KSR2: variants seen among roughly 807,000 people sequenced by gnomAD.
KSR2 encodes the protein kinase suppressor of ras 2.
KSR2 carries 25 observed loss-of-function variants against 107.8 expected under a neutral mutation model. The ratio of observed to expected loss-of-function variants is 0.23; its 90% CI spans 0.17 to 0.32. The LOEUF is 0.32. Ranked by LOEUF, KSR2 falls within the 10% of genes least tolerant of loss-of-function variation. The pLI is 1.00. For missense variants in KSR2, 887 were observed against 1,268.9 expected (o/e 0.70, Z 4.57); for synonymous variants, 480 against 507.0 (o/e 0.95, Z 0.71).
chr12:117,479,777 C>CT (rs1403484993), intron 16 of KSR2, among the ~76,000 whole-genome samples: 34 of 152,348 alleles, frequency 2.2e-4, no homozygotes, highest in Admixed American at 8.5e-4. Context: ...AACTAGCAAA[C>CT]ACTTGAGTCA....
At position 117,531,012 on chromosome 12, in the gene KSR2, A is replaced by G; in HGVS notation, c.1731T>C (p.Asp577=). Residue 577 remains aspartate, a splice_region_variant and synonymous_variant, in exon 12 of 20, where the codon GAT becomes GAC. Transcript: ENST00000339824. ...YKYKQQFIFP[D]VVPVPETPTR... ...TCGGCGTCTCCGGCACCGGCACCAC[A>G]TCTGAAAACCAGAGATTGAACACTC... is the stretch of plus-strand genomic sequence containing the variant. 3.7e-6 allele frequency: 6 copies of G among 1,613,498 alleles called. No individual in the cohort carries two copies. The highest frequency in any genetic ancestry group is 5.1e-6 in the Non-Finnish European group (6 of 1,179,630).
chr12:117,557,027 T>C (rs1877749035), intron 8 of KSR2, among the ~76,000 whole-genome samples: 1 of 151,946 alleles, frequency 6.6e-6, no homozygotes, highest in Non-Finnish European at 1.5e-5. Flanking sequence ...CAGCTGGGTA[T>C]GGTGGTGGGT....
At chr12:117,732,323 C>T (rs1173417718) in intron 4 of KSR2, among the ~76,000 whole-genome samples, 1 of 151,480 alleles carries the variant, frequency 6.6e-6, no homozygotes, top group African/African-American at 2.4e-5. Context: ...GCATCTTGCT[C>T]TGTCACCCAG....
chr12:117,817,427 C>T (rs10850904), intron 3 of KSR2, among the ~76,000 whole-genome samples: 21,280 of 151,916 alleles, frequency 0.14, 1,768 homozygotes, highest in Admixed American at 0.27. Context: ...GGAAATTAGA[C>T]GGCTCTAATT....
At chr12:117,817,547 T>TAA (rs1412205892) in intron 3 of KSR2, among the ~76,000 whole-genome samples, 1 of 152,132 alleles carries the variant, frequency 6.6e-6, no homozygotes, top group Non-Finnish European at 1.5e-5. Flanking sequence ...CACCCCTCTT[T>TAA]AAAGAAAGGA....
In KSR2 at chr12:117,935,698, T is replaced by G. The variant is rs958413954; in HGVS notation, c.180+32378A>C. Among the ~76,000 whole-genome samples the G allele has an allele frequency of 3.3e-5, 5 of 152,316 alleles. No individual in the cohort carries two copies. The South Asian group carries it at 8.3e-4, about 25-fold the overall frequency. The stretch of plus-strand genomic sequence containing the variant: ...ATTGCTTGAACAGGGAGGTGGAGAT[T>G]GCAGTGAGCCAAGATTGCGCTACTG... On this transcript the variant is annotated intron_variant, in intron 1 of 19. Coordinates refer to ENST00000339824, the MANE Select transcript of KSR2 (RefSeq NM_173598.6).
intron 1 of KSR2, among the ~76,000 whole-genome samples, chr12:117,888,233 G>C (rs1028410281): frequency 6.6e-6 from 1 of 152,056 alleles, no homozygotes; most frequent in Non-Finnish European, 1.5e-5. Flanking sequence ...TTCAACCCTG[G>C]ACAATGCTTC....
At chr12:117,480,171 A>G (rs1339125170) in intron 16 of KSR2, among the ~76,000 whole-genome samples, 1 of 131,982 alleles carries the variant, frequency 7.6e-6, no homozygotes, top group Admixed American at 7.7e-5. Flanking sequence ...TGACTGGGCC[A>G]CTGGGGGTGG....
intron 3 of KSR2, among the ~76,000 whole-genome samples, chr12:117,851,728 T>C (rs1195057358): frequency 6.6e-6 from 1 of 151,802 alleles, no homozygotes; most frequent in African/African-American, 2.4e-5. Flanking sequence ...CCGCCTCTAC[T>C]AAAAATACAA....
At chr12:117,920,974 G>A (rs1895325444) in intron 1 of KSR2, among the ~76,000 whole-genome samples, 1 of 152,144 alleles carries the variant, frequency 6.6e-6, no homozygotes, top group Non-Finnish European at 1.5e-5. Flanking sequence ...TCTGCATACG[G>A]TTCTTAGTCT....
intron 7 of KSR2, among the ~76,000 whole-genome samples, chr12:117,559,350 T>C (rs1048293358): frequency 6.6e-6 from 1 of 152,212 alleles, no homozygotes; most frequent in African/African-American, 2.4e-5. Context: ...TCAAATATCA[T>C]GCTTTTCCCA....
chr12:117,624,716 T>G (rs565051992), intron 5 of KSR2, among the ~76,000 whole-genome samples: 29 of 152,314 alleles, frequency 1.9e-4, no homozygotes, highest in Admixed American at 1.1e-3. Flanking sequence ...TGGTTCCATA[T>G]GAACCTTAAA....
intron 5 of KSR2, among the ~76,000 whole-genome samples, chr12:117,586,504 T>C (rs1879998885): frequency 6.7e-6 from 1 of 150,240 alleles, no homozygotes; most frequent in Non-Finnish European, 1.5e-5. Context: ...GGAGAATCAC[T>C]TGAACCTGGG....
intron 5 of KSR2, among the ~76,000 whole-genome samples, chr12:117,590,977 C>A (rs950250928): frequency 3.3e-5 from 5 of 152,194 alleles, no homozygotes; most frequent in African/African-American, 1.2e-4. Context: ...GGTCTGTAGT[C>A]TCCAAGCCAA....
chr12:117,667,425 G>C, intron 5 of KSR2, 49 bp downstream of exon 5: 2 of 1,543,924 alleles, frequency 1.3e-6, no homozygotes, highest in Non-Finnish European at 1.8e-6. Context: ...CTGGGGAGAA[G>C]GAGGTGGCAT....
At chr12:117,785,567 G>A (rs1044879135) in intron 3 of KSR2, among the ~76,000 whole-genome samples, 2 of 151,740 alleles carry the variant, frequency 1.3e-5, no homozygotes, top group Non-Finnish European at 2.9e-5. Context: ...TGAAAAGATA[G>A]CAATTTTCAT....
intron 19 of KSR2, among the ~76,000 whole-genome samples, chr12:117,468,489 G>T (rs1012118830): frequency 8.5e-5 from 13 of 152,200 alleles, no homozygotes; most frequent in African/African-American, 3.1e-4. Context: ...CATCCTTCAG[G>T]TTCAGCAAGC....
intron 5 of KSR2, among the ~76,000 whole-genome samples, chr12:117,626,911 T>G (rs988936948): frequency 3.7e-4 from 56 of 152,206 alleles, no homozygotes; most frequent in African/African-American, 1.2e-3. Context: ...CATATAAATT[T>G]AGGATAGTTA....
chr12:117,639,149 T>G (rs1883242445), intron 5 of KSR2, among the ~76,000 whole-genome samples: 1 of 152,148 alleles, frequency 6.6e-6, no homozygotes, highest in South Asian at 2.1e-4. Context: ...TATCTGAGCT[T>G]TGGGGCACCT....
Sources: allele counts gnomAD v4.1 joint callset (sites outside exome capture counted in the v4.1 genomes callset), GRCh38; gene constraint gnomAD v4.1.1; transcripts MANE v1.5; gene names NCBI Gene and HGNC (gene_info 2026-07-23, HGNC 2026-07-21).